UBE2F: variants seen among roughly 807,000 people sequenced by gnomAD.
UBE2F encodes the protein NEDD8-conjugating enzyme UBE2F.
Under a neutral mutation model 29.6 loss-of-function variants are expected in UBE2F, and 5 were observed. The observed-to-expected ratio is 0.17, with a 90% CI of 0.09 to 0.36. The LOEUF (loss-of-function observed/expected upper bound fraction) is 0.36, where lower values mean the gene tolerates loss of function less well. UBE2F is among the 10% of genes least tolerant of loss of function. The pLI is 1.00. For missense variants in UBE2F, 141 were observed against 228.5 expected (o/e 0.62, Z 2.47); for synonymous variants, 66 against 81.8 (o/e 0.81, Z 1.04).
At chr2:238,001,548 T>G (rs2063793487) in intron 4 of UBE2F, among the ~76,000 whole-genome samples, 1 of 152,176 alleles carries the variant, frequency 6.6e-6, no homozygotes, top group African/African-American at 2.4e-5. Flanking sequence ...CCGGGCCCAG[T>G]GGCTCATGCC....
intron 2 of UBE2F, among the ~76,000 whole-genome samples, chr2:237,984,032 C>T (rs370441052): frequency 6.6e-6 from 1 of 151,106 alleles, no homozygotes; most frequent in Non-Finnish European, 1.5e-5. Flanking sequence ...TCTTCCCCCT[C>T]CCCTACTCCT....
At chr2:237,977,927 A>T (rs1354893416) in intron 2 of UBE2F, among the ~76,000 whole-genome samples, 1 of 152,006 alleles carries the variant, frequency 6.6e-6, no homozygotes, top group Non-Finnish European at 1.5e-5. Context: ...GGAGGTAGGG[A>T]GTTTGTCATG....
rs1208061845 is a variant in UBE2F, at chr2:237,986,273, T to C, written c.119-1690T>C. On this transcript the variant is annotated intron_variant, in intron 2 of 9. Coordinates refer to ENST00000272930, the MANE Select transcript of UBE2F (RefSeq NM_080678.3). ...CAGGTGATCCTCCCACTTCAATATC[T>C]TGAGCAGTTGGGACTACAGGTGTGT... 5 of 287,634 alleles carry C rather than the reference T, an allele frequency of 1.7e-5. No individual in the cohort carries two copies. In the Admixed American group the frequency reaches 1.9e-4, roughly 11 times the overall value. The allele number at this position is 287,634 out of a possible 1,614,324, so 17.8% of individuals were successfully genotyped here.
intron 3 of UBE2F, among the ~76,000 whole-genome samples, chr2:237,991,129 A>G (rs1055032735): frequency 1.3e-5 from 2 of 152,172 alleles, no homozygotes; most frequent in Non-Finnish European, 2.9e-5. Context: ...CCCTATAGCT[A>G]TGGTGTCAGA....
chr2:237,993,068 A>G lies in UBE2F; in HGVS notation c.149-1676A>G, dbSNP rs113458882. ...AGTGGCGTGATCTCAGCTCACTGCA[A>G]CCTCTGCCTCCCAGGTTCAGGCAAT... On this transcript the variant is annotated intron_variant, in intron 3 of 9. Coordinates refer to ENST00000272930, the MANE Select transcript of UBE2F (RefSeq NM_080678.3). Among the ~76,000 whole-genome samples the G allele has an allele frequency of 1.2e-3, 183 of 151,972 alleles. 2 individuals are homozygous for G. The Middle Eastern group carries it at 0.014, about 11-fold the overall frequency.
intron 4 of UBE2F, among the ~76,000 whole-genome samples, chr2:238,001,267 A>G (rs2063787619): frequency 6.6e-6 from 1 of 152,106 alleles, no homozygotes; most frequent in South Asian, 2.1e-4. Context: ...TCCTGACCTC[A>G]GGTGATCTGC....
At chr2:238,016,690 TGTGGCCCGC>T in intron 5 of UBE2F, 57 bp downstream of exon 5, 1 of 1,492,012 alleles carries the variant, frequency 6.7e-7, no homozygotes, top group Non-Finnish European at 9.2e-7. Flanking sequence ...TGCCTGTGGC[TGTGGCCCGC>T]CACTGGCACA....
In UBE2F at chr2:238,040,654, G is replaced by C. The variant is rs573131097; in HGVS notation, c.508-634G>C. 6.6e-6 allele frequency among the ~76,000 whole-genome samples: 1 copy of C among 152,168 alleles called. No individual in the cohort carries two copies. The highest frequency in any genetic ancestry group is 6.5e-5 in the Admixed American group (1 of 15,278). Reference sequence around the variant, plus strand: ...CAGGGACAAACCTGACAGTGGCCCAGATCCGAGAAGATTGTTCCACCCATA... The same window carrying C: ...CAGGGACAAACCTGACAGTGGCCCACATCCGAGAAGATTGTTCCACCCATA... On this transcript the variant is annotated intron_variant, in intron 9 of 9. Coordinates refer to ENST00000272930, the MANE Select transcript of UBE2F (RefSeq NM_080678.3). This position sits in a 1 kb window ranked among gnomAD's most constrained non-coding sequence, Gnocchi z 4.4.
At chr2:238,019,729 A>G (rs2326008) in intron 5 of UBE2F, among the ~76,000 whole-genome samples, 124,258 of 145,042 alleles carry the variant, frequency 0.86, 53,372 homozygotes, top group East Asian at 0.97. Context: ...GCATGATCTC[A>G]GCTCACCGCA....
At chr2:237,970,489 C>T (rs1407016314) in intron 1 of UBE2F, among the ~76,000 whole-genome samples, 1 of 152,162 alleles carries the variant, frequency 6.6e-6, no homozygotes, top group Admixed American at 6.5e-5. Context: ...CCTCTGTTGT[C>T]CTGGGGTCCA....
chr2:237,991,409 C>G (rs1464168608), intron 3 of UBE2F, among the ~76,000 whole-genome samples: 1 of 152,106 alleles, frequency 6.6e-6, no homozygotes, highest in Admixed American at 6.6e-5. Flanking sequence ...GTTTGGAGCT[C>G]TGCACATGCA....
rs375366615 is a variant in UBE2F, at chr2:237,985,962, T to C, written c.119-2001T>C. 3.2e-4 allele frequency among the ~76,000 whole-genome samples: 49 copies of C among 152,332 alleles called. No homozygotes were observed. The South Asian group carries it at 9.7e-3, about 30-fold the overall frequency. On this transcript the variant is annotated intron_variant, in intron 2 of 9. Coordinates refer to ENST00000272930, the MANE Select transcript of UBE2F (RefSeq NM_080678.3). ...CAGTGATGTTGAGCACCTTTGCATA[T>C]ATCTGTTGGCCATTTTTATTTCTTC...
At chr2:238,024,992 A>G (rs1269923900) in intron 5 of UBE2F, among the ~76,000 whole-genome samples, 1 of 152,198 alleles carries the variant, frequency 6.6e-6, no homozygotes, top group African/African-American at 2.4e-5. Context: ...CTTAGAGTGC[A>G]CTGTGGATAC....
chr2:237,985,178 G>A (rs2063456128), intron 2 of UBE2F, among the ~76,000 whole-genome samples: 1 of 152,166 alleles, frequency 6.6e-6, no homozygotes, highest in African/African-American at 2.4e-5. Flanking sequence ...GTTTACTACA[G>A]TCAGGTGAAT....
At chr2:238,010,323 G>A (rs1003710123) in intron 4 of UBE2F, among the ~76,000 whole-genome samples, 10 of 151,982 alleles carry the variant, frequency 6.6e-5, no homozygotes, top group Non-Finnish European at 1.3e-4. Flanking sequence ...ACAAGTACCC[G>A]CCACTATGCC....
At position 238,030,541 on chromosome 2, in the gene UBE2F, G is replaced by A; in HGVS notation, c.354-15G>A. ...GGCTGCTCCTCACTAACCACTGTGT[G>A]TTTGTCTTTTTCAGTTTATTGAGAG... is the stretch of plus-strand genomic sequence containing the variant. On this transcript the variant is annotated splice_polypyrimidine_tract_variant and intron_variant, in intron 6 of 9. Coordinates refer to ENST00000272930, the MANE Select transcript of UBE2F (RefSeq NM_080678.3). 6.2e-7 allele frequency: 1 copy of A among 1,610,756 alleles called. No individual in the cohort carries two copies. The highest frequency in any genetic ancestry group is 8.5e-7 in the Non-Finnish European group (1 of 1,177,530).
intron 5 of UBE2F, among the ~76,000 whole-genome samples, chr2:238,017,615 C>T (rs1023178693): frequency 1.3e-5 from 2 of 152,144 alleles, no homozygotes; most frequent in African/African-American, 2.4e-5. Flanking sequence ...GCTTCAGGGA[C>T]GGGTGTGATG....
intron 5 of UBE2F, among the ~76,000 whole-genome samples, chr2:238,018,834 C>A (rs546928095): frequency 2.6e-5 from 4 of 152,180 alleles, no homozygotes; most frequent in Non-Finnish European, 5.9e-5. Context: ...AGCTTTTAAG[C>A]GTGTGCCCTT....
intron 9 of UBE2F, among the ~76,000 whole-genome samples, chr2:238,037,939 C>T (rs2106416247): frequency 6.6e-6 from 1 of 152,318 alleles, no homozygotes; most frequent in Non-Finnish European, 1.5e-5. Context: ...TAGTTCTAGA[C>T]ATCGTGCTGA....
Sources: allele counts gnomAD v4.1 joint callset (sites outside exome capture counted in the v4.1 genomes callset), GRCh38; gene constraint gnomAD v4.1.1; non-coding constraint Gnocchi (gnomAD v3.1); transcripts MANE v1.5; gene names NCBI Gene and HGNC (gene_info 2026-07-23, HGNC 2026-07-21).